SPOCK1: variants seen among roughly 807,000 people sequenced by gnomAD.
SPOCK1 encodes SPARC (osteonectin), cwcv and kazal like domains proteoglycan 1.
In SPOCK1, 23 loss-of-function variants were observed where a neutral mutation model predicts 55.3. That is an observed-to-expected ratio of 0.42 (90% CI 0.30 to 0.59). The LOEUF is 0.59. SPOCK1 is among the 20% of genes least tolerant of loss of function. The pLI is 0.22. For synonymous variants in SPOCK1, 226 were observed against 221.0 expected, an observed-to-expected ratio of 1.02 and a Z score of -0.20; for missense variants, 499 against 552.5, an observed-to-expected ratio of 0.90 and a Z score of 0.97.
At chr5:137,067,619 G>A (rs1222704214) in intron 6 of SPOCK1, 96 bp downstream of exon 6, 3 of 1,053,390 alleles carry the variant, frequency 2.8e-6, no homozygotes, top group Non-Finnish European at 4.3e-6. Flanking sequence ...CATTTCTCCA[G>A]TTTGTTCCTA....
At chr5:137,064,089 C>T (rs917129690) in intron 6 of SPOCK1, among the ~76,000 whole-genome samples, 2 of 152,062 alleles carry the variant, frequency 1.3e-5, no homozygotes, top group Non-Finnish European at 2.9e-5. Flanking sequence ...GAGTACAGGT[C>T]TCTCGGTAGA....
At chr5:137,095,932 C>G (rs1753137817) in intron 5 of SPOCK1, among the ~76,000 whole-genome samples, 1 of 151,798 alleles carries the variant, frequency 6.6e-6, no homozygotes. Context: ...CTCATTCCCT[C>G]CCCACAGCAC....
chr5:137,036,990 C>T (rs1006929062), intron 6 of SPOCK1, among the ~76,000 whole-genome samples: 2 of 152,110 alleles, frequency 1.3e-5, no homozygotes, highest in Non-Finnish European at 1.5e-5. Context: ...AGTGGCTGCA[C>T]GCTAATGTAG....
rs552320608 is a variant in SPOCK1, at chr5:137,155,120, G to C, written c.233-14426C>G. Among the ~76,000 whole-genome samples the C allele has an allele frequency of 7.2e-5, 11 of 152,272 alleles. No individual in the cohort carries two copies. In the South Asian group the frequency reaches 2.1e-3, roughly 29 times the overall value. ...TAACATTGATCTTTGCAAGTCCTCGGTAAGTGTTAGTTTCAACTCTTTCCC... is the reference window on the plus strand; with the variant it reads ...TAACATTGATCTTTGCAAGTCCTCGCTAAGTGTTAGTTTCAACTCTTTCCC... On this transcript the variant is annotated intron_variant, in intron 3 of 10. Coordinates refer to ENST00000394945, the MANE Select transcript of SPOCK1 (RefSeq NM_004598.4).
At chr5:137,126,654 C>T (rs780029292) in intron 4 of SPOCK1, among the ~76,000 whole-genome samples, 2 of 152,050 alleles carry the variant, frequency 1.3e-5, no homozygotes, top group Non-Finnish European at 2.9e-5. Flanking sequence ...CCAAGCTACT[C>T]GGGAGGCTGA....
At position 136,976,885 on chromosome 5, in the gene SPOCK1, A is replaced by C. The variant is rs1352710325; in HGVS notation, c.*1769T>G. 1 of 152,230 alleles carries C rather than the reference A, an allele frequency of 6.6e-6. No homozygotes were observed. Among genetic ancestry groups the C allele is most frequent in the Non-Finnish European group, 1.5e-5 (1 of 68,044 alleles). The allele number at this position is 152,230 out of a possible 1,614,324, so 9.4% of individuals were successfully genotyped here. On this transcript the variant is annotated 3_prime_UTR_variant, in exon 11 of 11. Coordinates refer to ENST00000394945, the MANE Select transcript of SPOCK1 (RefSeq NM_004598.4). Reference sequence around the variant, plus strand: ...AATGCCGACTGGATTGGAACATGCTAATTTAAGGTGAGTTGGTACATCTAA... The same window carrying C: ...AATGCCGACTGGATTGGAACATGCTCATTTAAGGTGAGTTGGTACATCTAA...
intron 6 of SPOCK1, among the ~76,000 whole-genome samples, chr5:137,056,277 G>T (rs1752298983): frequency 6.6e-6 from 1 of 152,214 alleles, no homozygotes; most frequent in African/African-American, 2.4e-5. Flanking sequence ...GTGGGGGACA[G>T]GGGGTCTATG....
At chr5:137,352,998 T>C (rs1179682852) in intron 2 of SPOCK1, among the ~76,000 whole-genome samples, 1 of 151,656 alleles carries the variant, frequency 6.6e-6, no homozygotes, top group Non-Finnish European at 1.5e-5. Context: ...GTTCTGGATT[T>C]ACCAAGTACC....
At chr5:137,286,969 A>C (rs115719185) in intron 2 of SPOCK1, among the ~76,000 whole-genome samples, 4,724 of 152,308 alleles carry the variant, frequency 0.031, 250 homozygotes, top group African/African-American at 0.11. Context: ...ATTAAAAGGC[A>C]ACAGGAGGTG....
intron 6 of SPOCK1, among the ~76,000 whole-genome samples, chr5:137,042,150 A>C (rs1323025610): frequency 6.6e-6 from 1 of 152,190 alleles, no homozygotes; most frequent in Non-Finnish European, 1.5e-5. Flanking sequence ...AAACTACAAA[A>C]AGACCTAGAT....
intron 3 of SPOCK1, among the ~76,000 whole-genome samples, chr5:137,265,946 C>T (rs1321370187): frequency 1.3e-5 from 2 of 152,148 alleles, no homozygotes; most frequent in African/African-American, 2.4e-5. Flanking sequence ...ACAGCGAAAG[C>T]TCAATAAATG....
At chr5:137,112,342 C>A in intron 5 of SPOCK1, 93 bp downstream of exon 5, 2 of 1,508,180 alleles carry the variant, frequency 1.3e-6, no homozygotes, top group Non-Finnish European at 1.8e-6. Flanking sequence ...TGGAGCCCAC[C>A]ACGCTTCCCA....
At chr5:137,352,698 A>T (rs967052359) in intron 2 of SPOCK1, among the ~76,000 whole-genome samples, 1 of 152,144 alleles carries the variant, frequency 6.6e-6, no homozygotes, top group Non-Finnish European at 1.5e-5. Flanking sequence ...GTGGAGGAGA[A>T]GGAGGCATTT....
chr5:136,985,804 T>C (rs1750829172), intron 8 of SPOCK1, among the ~76,000 whole-genome samples: 1 of 152,176 alleles, frequency 6.6e-6, no homozygotes, highest in Non-Finnish European at 1.5e-5. Flanking sequence ...AGCGGCAAAA[T>C]GCATGTCATA....
At chr5:137,292,616 G>A (rs780412253) in intron 2 of SPOCK1, among the ~76,000 whole-genome samples, 1 of 152,114 alleles carries the variant, frequency 6.6e-6, no homozygotes, top group East Asian at 1.9e-4. Flanking sequence ...TAGCCAGCTA[G>A]TCTTCTGCAC....
At chr5:137,088,904 A>C (rs1042440623) in intron 5 of SPOCK1, among the ~76,000 whole-genome samples, 3 of 152,226 alleles carry the variant, frequency 2.0e-5, no homozygotes, top group Admixed American at 2.0e-4. Context: ...GATCAGGAGC[A>C]AAAAGGTTAA....
At chr5:137,061,577 C>T (rs556078735) in intron 6 of SPOCK1, among the ~76,000 whole-genome samples, 2 of 152,330 alleles carry the variant, frequency 1.3e-5, no homozygotes, top group Admixed American at 1.3e-4. Flanking sequence ...CCCCATCCTG[C>T]TCCTACCTCC....
intron 3 of SPOCK1, among the ~76,000 whole-genome samples, chr5:137,236,394 C>T (rs2127097280): frequency 6.6e-6 from 1 of 152,368 alleles, no homozygotes; most frequent in South Asian, 2.1e-4. Context: ...ACACCCCAAG[C>T]ATTATCAGGG....
chr5:137,155,024 T>C (rs2127046739), intron 3 of SPOCK1, among the ~76,000 whole-genome samples: 1 of 152,308 alleles, frequency 6.6e-6, no homozygotes, highest in African/African-American at 2.4e-5. Flanking sequence ...TCTCTGAGCT[T>C]TAAAGAGGAG....
Sources: gnomAD v4.1 joint callset for allele counts (sites outside exome capture counted in the v4.1 genomes callset) on GRCh38, gnomAD v4.1.1 for gene constraint, MANE v1.5 for transcripts, NCBI Gene and HGNC (gene_info 2026-07-23, HGNC 2026-07-21) for gene names.